The following PLD1 variants were observed in gnomAD, a reference collection of about 807,000 sequenced individuals.
PLD1 encodes the protein phospholipase D1, also known as choline phosphatase 1.
PLD1 carries 112 observed loss-of-function variants against 137.1 expected under a neutral mutation model. That is an observed-to-expected ratio of 0.82 (90% confidence interval 0.70 to 0.96). PLD1 has a LOEUF of 0.96. Among genes scored for constraint, PLD1 ranks in the 40% least tolerant of loss-of-function variants. The probability of loss-of-function intolerance (pLI) is 0.00; values close to 1 mark genes in which losing one functional copy is unlikely to be tolerated. For synonymous variants in PLD1, 431 were observed against 454.7 expected (o/e 0.95, Z 0.66); for missense variants, 1,321 against 1,342.0 (o/e 0.98, Z 0.24).
intron 1 of PLD1, among the ~76,000 whole-genome samples, chr3:171,808,691 C>G (rs1723974124): frequency 6.6e-6 from 1 of 152,094 alleles, no homozygotes; most frequent in African/African-American, 2.4e-5. Flanking sequence ...TTCCCCACTA[C>G]CTGGTTATAA....
Position 171,699,506 on chromosome 3 carries a change from A to G in PLD1, c.1227+239T>C, listed in dbSNP as rs1047524130. On this transcript the variant is annotated intron_variant, in intron 12 of 26. Coordinates refer to ENST00000351298, the MANE Select transcript of PLD1 (RefSeq NM_002662.5). The stretch of plus-strand genomic sequence containing the variant: ...AAAATTAGCTGCCCATAACTGATTC[A>G]AAAATAAGAATTAGAGATGCTAACA... Among the ~76,000 whole-genome samples the G allele has an allele frequency of 3.3e-5, 5 of 152,200 alleles. No homozygotes were observed. The East Asian group carries it at 9.6e-4, about 29-fold the overall frequency.
intron 1 of PLD1, among the ~76,000 whole-genome samples, chr3:171,804,594 G>C (rs1478279341): frequency 6.6e-6 from 1 of 152,122 alleles, no homozygotes; most frequent in Admixed American, 6.6e-5. Flanking sequence ...AAAAAATAAT[G>C]GCAAATCCAG....
intron 1 of PLD1, among the ~76,000 whole-genome samples, chr3:171,750,504 C>T (rs968361747): frequency 1.3e-5 from 2 of 151,910 alleles, no homozygotes; most frequent in African/African-American, 4.8e-5. Context: ...ATAAAAAATT[C>T]ATTAAATTTG....
At chr3:171,779,446 T>C (rs1411053112) in intron 1 of PLD1, among the ~76,000 whole-genome samples, 1 of 152,088 alleles carries the variant, frequency 6.6e-6, no homozygotes, top group African/African-American at 2.4e-5. Flanking sequence ...CTGAGGAACA[T>C]TGTAGGTGAT....
intron 1 of PLD1, among the ~76,000 whole-genome samples, chr3:171,755,447 T>C (rs1720955578): frequency 6.6e-6 from 1 of 152,182 alleles, no homozygotes; most frequent in Admixed American, 6.5e-5. Flanking sequence ...GAGGGTCTCT[T>C]TCCTCAGCTT....
chr3:171,628,175 G>A (rs1480415434), intron 23 of PLD1, among the ~76,000 whole-genome samples: 3 of 151,990 alleles, frequency 2.0e-5, no homozygotes, highest in African/African-American at 7.3e-5. Flanking sequence ...ATGATAAAGG[G>A]GATATCACCA....
chr3:171,710,201 C>G (rs1275187513), intron 9 of PLD1, among the ~76,000 whole-genome samples: 2 of 152,284 alleles, frequency 1.3e-5, no homozygotes, highest in South Asian at 2.1e-4. Context: ...GCTGGGACTA[C>G]AGGCACCCGC....
chr3:171,709,726 A>G lies in PLD1; in HGVS notation c.912-17T>C. 1 of 1,607,148 alleles carries G rather than the reference A, an allele frequency of 6.2e-7. No homozygotes were observed. Among genetic ancestry groups the G allele is most frequent in the South Asian group, 1.1e-5 (1 of 89,844 alleles). On this transcript the variant is annotated splice_polypyrimidine_tract_variant and intron_variant, in intron 9 of 26. Coordinates refer to ENST00000351298, the MANE Select transcript of PLD1 (RefSeq NM_002662.5). ...ATAAGTGTCCTTTAAAGAAAAAGCCAAATATTGAAAAGACTGGTCACTCTG... is the reference window on the plus strand; with the variant it reads ...ATAAGTGTCCTTTAAAGAAAAAGCCGAATATTGAAAAGACTGGTCACTCTG...
chr3:171,713,440 C>T (rs1578337877), intron 9 of PLD1, among the ~76,000 whole-genome samples: 1 of 152,208 alleles, frequency 6.6e-6, no homozygotes, highest in African/African-American at 2.4e-5. Context: ...TGCACCACTG[C>T]ACTCCAGTCT....
At chr3:171,704,960 G>A (rs73041831) in intron 11 of PLD1, among the ~76,000 whole-genome samples, 12,648 of 152,146 alleles carry the variant, frequency 0.083, 1,581 homozygotes, top group African/African-American at 0.27. Flanking sequence ...TTCACAATAG[G>A]GTTCATGTTC....
rs139820705 is a variant in PLD1 at position 171,677,414 on chromosome 3, A to G, written c.1996+152T>C. The G allele has an allele frequency of 2.7e-5, 18 of 662,772 alleles. No homozygotes were observed. In the East Asian group the frequency reaches 4.8e-4, roughly 18 times the overall value. The allele number at this position is 662,772 out of a possible 1,614,324, so 41.1% of individuals were successfully genotyped here. A position where few individuals can be genotyped will look rare whatever the true frequency, so the allele number is the denominator to read the frequency against. The stretch of plus-strand genomic sequence containing the variant: ...AAAAAAAGTCCTTAAGCACATGCTA[A>G]TGACTAAATCTAGTCTCCAAAGTTT... On this transcript the variant is annotated intron_variant, in intron 17 of 26. Transcript: ENST00000351298.
chr3:171,618,765 C>T (rs561743045), intron 24 of PLD1, among the ~76,000 whole-genome samples: 73 of 138,306 alleles, frequency 5.3e-4, no homozygotes, highest in Middle Eastern at 4.1e-3. Flanking sequence ...TGTATCTCAC[C>T]ATACTGTGGT....
chr3:171,701,792 T>A (rs1183021241), intron 11 of PLD1, among the ~76,000 whole-genome samples: 1 of 152,182 alleles, frequency 6.6e-6, no homozygotes, highest in Non-Finnish European at 1.5e-5. Context: ...TTTCATTGGA[T>A]CTAGGACACC....
At chr3:171,775,553 A>G (rs113800692) in intron 1 of PLD1, among the ~76,000 whole-genome samples, 180 of 152,282 alleles carry the variant, frequency 1.2e-3, no homozygotes, top group African/African-American at 3.9e-3. Context: ...TGATTTAAAG[A>G]GGGAAAGAGC....
intron 8 of PLD1, among the ~76,000 whole-genome samples, chr3:171,723,318 A>G (rs1718273779): frequency 6.6e-6 from 1 of 152,120 alleles, no homozygotes; most frequent in Non-Finnish European, 1.5e-5. Context: ...ATTCTTTTCT[A>G]TGGCTGGATA....
intron 1 of PLD1, among the ~76,000 whole-genome samples, chr3:171,775,009 G>A (rs1722541254): frequency 6.6e-6 from 1 of 152,192 alleles, no homozygotes; most frequent in African/African-American, 2.4e-5. Context: ...GGGGGACAGT[G>A]GGACACAGAG....
chr3:171,800,515 T>C (rs4894770), intron 1 of PLD1, among the ~76,000 whole-genome samples: 54,699 of 152,038 alleles, frequency 0.36, 10,392 homozygotes, highest in Middle Eastern at 0.51. Context: ...GGCCCAAACA[T>C]AATTTTTAAA....
chr3:171,757,468 A>G (rs1295456353), intron 1 of PLD1, among the ~76,000 whole-genome samples: 1 of 152,224 alleles, frequency 6.6e-6, no homozygotes, highest in Non-Finnish European at 1.5e-5. Context: ...TCAAAGGCAC[A>G]CACACACTCA....
At chr3:171,710,457 T>C (rs914877132) in intron 9 of PLD1, among the ~76,000 whole-genome samples, 6 of 152,198 alleles carry the variant, frequency 3.9e-5, no homozygotes, top group East Asian at 3.9e-4. Flanking sequence ...GGAAGTGATA[T>C]GATTCTCGTG....
Sources: allele counts gnomAD v4.1 joint callset (sites outside exome capture counted in the v4.1 genomes callset), GRCh38; gene constraint gnomAD v4.1.1; transcripts MANE v1.5; gene names NCBI Gene and HGNC (gene_info 2026-07-23, HGNC 2026-07-21).